The following KDR variants were observed in gnomAD, a reference collection of about 807,000 sequenced individuals.
KDR encodes the protein vascular endothelial growth factor receptor 2.
In KDR, 43 loss-of-function variants were observed where a neutral mutation model predicts 160.9. The observed-to-expected ratio is 0.27, with a 90% CI of 0.21 to 0.34. The LOEUF (loss-of-function observed/expected upper bound fraction) is 0.34. Ranked by LOEUF, KDR falls within the 10% of genes least tolerant of loss-of-function variation. The pLI is 1.00. For missense variants in KDR, 1,469 were observed against 1,666.4 expected (o/e 0.88, Z 2.06); for synonymous variants, 617 against 600.1 (o/e 1.03, Z -0.41).
rs1720438256 is a variant in KDR at position 55,106,007 on chromosome 4, CA to C, written c.1537-68del. ...GCTGTTTGTGCACAAGCACTCAGTC[CA>C]GCAGTCTCCACAATCACTCCAACCT... On this transcript the variant is annotated intron_variant, in intron 11 of 29. Coordinates refer to ENST00000263923, the MANE Select transcript of KDR (RefSeq NM_002253.4). The C allele has an allele frequency of 1.0e-5, 10 of 960,614 alleles. No individual in the cohort carries two copies. The Admixed American group carries it at 1.2e-4, about 11-fold the overall frequency. The allele number at this position is 960,614 out of a possible 1,614,324, so 59.5% of individuals were successfully genotyped here. A position where few individuals can be genotyped will look rare whatever the true frequency, so the allele number is the denominator to read the frequency against.
Position 55,125,320 on chromosome 4 carries a change from C to T in KDR, c.-27G>A. ...CTGCACCTCGAGCCGGGCGAAATGC[C>T]CAGAACTCGGGAGCCGGTTCTTTCT... On this transcript the variant is annotated 5_prime_UTR_variant, in exon 1 of 30. Coordinates refer to ENST00000263923, the MANE Select transcript of KDR (RefSeq NM_002253.4). The T allele has an allele frequency of 6.2e-7, 1 of 1,601,618 alleles. No individual in the cohort carries two copies. The highest frequency in any genetic ancestry group is 8.5e-7 in the Non-Finnish European group (1 of 1,174,844).
At chr4:55,110,303 G>A in intron 9 of KDR, 100 bp downstream of exon 9, 2 of 1,235,948 alleles carry the variant, frequency 1.6e-6, no homozygotes, top group Admixed American at 1.7e-5. Context: ...GCCATGATAT[G>A]AGTGAAGCAG....
chr4:55,104,790 C>T lies in KDR; in HGVS notation c.1840G>A (p.Ala614Thr). ...KNLDTLWKLN[A>T]TMFSNSTNDI... ...TTTGTGCTATTAGAGAACATGGTGG[C>T]ATTCAATTTCCAAAGAGTATCCAAG... Residue 614 changes from alanine (A) to threonine (T), a missense_variant, in exon 13 of 30, where the codon GCC becomes ACC. This residue lies in a region of KDR where 792 missense variants were observed against 840.9 expected (regional missense o/e 0.94). Coordinates refer to ENST00000263923, the MANE Select transcript of KDR (RefSeq NM_002253.4). 1 of 1,613,984 alleles carries T rather than the reference C, an allele frequency of 6.2e-7. No individual in the cohort carries two copies. The highest frequency in any genetic ancestry group is 8.5e-7 in the Non-Finnish European group (1 of 1,179,920).
intron 24 of KDR, 71 bp from the exon 25 acceptor site, chr4:55,089,544 T>G (rs1013271018): frequency 1.2e-5 from 16 of 1,388,424 alleles, no homozygotes; most frequent in African/African-American, 2.8e-5. Context: ...GCCTGAATCT[T>G]GCACATCCTC....
rs1377767860 is a variant in KDR, at chr4:55,098,249, T to G, written c.2397A>C (p.Thr799=). The G allele has an allele frequency of 1.9e-6, 3 of 1,613,914 alleles. No individual in the cohort carries two copies. Among genetic ancestry groups the G allele is most frequent in the Non-Finnish European group, 2.5e-6 (3 of 1,179,852 alleles). The change falls in exon 17 of 30, where the codon ACA becomes ACC. Residue 799 remains threonine, a synonymous_variant. Coordinates refer to ENST00000263923, the MANE Select transcript of KDR (RefSeq NM_002253.4). ...GATCCATGACGATGGACAAGTAGCC[T>G]GTCTTCAGTTCCCCTCCATTGGCCT... ...VKRANGGELK[T]GYLSIVMDPD...
chr4:55,105,330 A>G (rs559810256), intron 12 of KDR, among the ~76,000 whole-genome samples: 1 of 152,320 alleles, frequency 6.6e-6, no homozygotes, highest in South Asian at 2.1e-4. Flanking sequence ...ATGATATGAA[A>G]GCTACATTTA....
chr4:55,124,532 G>A (rs1445815619), intron 1 of KDR, among the ~76,000 whole-genome samples: 1 of 152,194 alleles, frequency 6.6e-6, no homozygotes, highest in Non-Finnish European at 1.5e-5. Context: ...TTTGAAAGAT[G>A]TGCAATGCTT....
At chr4:55,110,347 G>T in intron 9 of KDR, 56 bp downstream of exon 9, 1 of 1,567,772 alleles carries the variant, frequency 6.4e-7, no homozygotes, top group Non-Finnish European at 8.8e-7. Context: ...TGGCTGATTT[G>T]GAAGACAATG....
rs1005481914 is a variant in KDR, at chr4:55,079,923, G to A, written c.*18C>T. The A allele has an allele frequency of 6.2e-7, 1 of 1,600,168 alleles. No individual in the cohort carries two copies. The highest frequency in any genetic ancestry group is 1.1e-5 in the South Asian group (1 of 90,796). On this transcript the variant is annotated 3_prime_UTR_variant, in exon 30 of 30. Transcript: ENST00000263923. ...CTCTCATGTGATGTCCAGGAGTTGGGGGTGTGGATGCTTCCTTTTAAACAG... is the reference window on the plus strand; with the variant it reads ...CTCTCATGTGATGTCCAGGAGTTGGAGGTGTGGATGCTTCCTTTTAAACAG...
intron 3 of KDR, among the ~76,000 whole-genome samples, chr4:55,117,809 C>A (rs1208683503): frequency 6.6e-6 from 1 of 152,214 alleles, no homozygotes; most frequent in Admixed American, 6.5e-5. Context: ...GCAGCCCTTA[C>A]ATTCCTTAAA....
chr4:55,110,649 G>T lies in KDR; in HGVS notation c.1091+5C>A, dbSNP rs746305227. On this transcript the variant is annotated splice_donor_5th_base_variant and intron_variant, in intron 8 of 29. Coordinates refer to ENST00000263923, the MANE Select transcript of KDR (RefSeq NM_002253.4). ...TGATGCTTTGCATTTATTTCCAGTA[G>T]TTACCATTTTATTTCTGGGGGTGGG... is the stretch of plus-strand genomic sequence containing the variant. 1.2e-6 allele frequency: 2 copies of T among 1,612,600 alleles called. No individual in the cohort carries two copies. The highest frequency in any genetic ancestry group is 1.7e-6 in the Non-Finnish European group (2 of 1,178,858).
chr4:55,109,804 C>T (rs951396462), intron 9 of KDR, among the ~76,000 whole-genome samples: 5 of 152,138 alleles, frequency 3.3e-5, no homozygotes, highest in Admixed American at 3.3e-4. Flanking sequence ...CTTATTTGTA[C>T]CTTTCAGTTT....
At position 55,114,205 on chromosome 4, in the gene KDR, T is replaced by C. The variant is rs774917471; in HGVS notation, c.719A>G (p.Glu240Gly). ...PSHGIELSVG[E>G]KLVLNCTART... ...TGCTGTACAATTTAAGACAAGCTTTTCTCCAACAGATAGTTCAATTCCATG... is the reference window on the plus strand; with the variant it reads ...TGCTGTACAATTTAAGACAAGCTTTCCTCCAACAGATAGTTCAATTCCATG... The change falls in exon 6 of 30, where the codon GAA becomes GGA. Residue 240 changes from glutamate to glycine, a missense_variant. By Grantham distance (98) the Glu-to-Gly change is moderately conservative. Around this residue, in one of 7 missense-constraint regions of KDR, gnomAD observed 792 missense variants for 840.9 expected, o/e 0.94. Transcript: ENST00000263923. 3.7e-6 allele frequency: 6 copies of C among 1,613,856 alleles called. No homozygotes were observed. The highest frequency in any genetic ancestry group is 1.7e-5 in the Admixed American group (1 of 59,986).
chr4:55,089,009 C>T (rs992293763), intron 25 of KDR, 36 bp from the exon 26 acceptor site: 4 of 1,435,556 alleles, frequency 2.8e-6, no homozygotes, highest in Non-Finnish European at 3.9e-6. Flanking sequence ...TTAAATGCCT[C>T]TTTCTTCCTG....
At chr4:55,081,909 C>A in intron 29 of KDR, 47 bp downstream of exon 29, 1 of 1,375,776 alleles carries the variant, frequency 7.3e-7, no homozygotes, top group South Asian at 1.2e-5. Context: ...AAGTTCCTTC[C>A]AAAAATTCCT....
At position 55,095,621 on chromosome 4, in the gene KDR, A is replaced by T. The variant is rs2110016030; in HGVS notation, c.2773T>A (p.Ser925Thr). The change falls in exon 20 of 30, where the codon TCC (serine) becomes ACC (threonine). Residue 925 changes from serine to threonine, a missense_variant. By Grantham distance (58) the Ser-to-Thr change is moderately conservative. This residue lies in a region of KDR where 151 missense variants were observed against 207.2 expected (regional missense o/e 0.73). Coordinates refer to ENST00000263923, the MANE Select transcript of KDR (RefSeq NM_002253.4). ...TTTCTCTTGCTCCTCAGGTAAGTGGACAGGTTTCCAAATTTGCAGAATTCC... is the reference window on the plus strand; with the variant it reads ...TTTCTCTTGCTCCTCAGGTAAGTGGTCAGGTTTCCAAATTTGCAGAATTCC... ...IVEFCKFGNL[S>T]TYLRSKRNEF... is the part of the protein sequence containing the mutation. 1 of 1,613,786 alleles carries T rather than the reference A, an allele frequency of 6.2e-7. No individual in the cohort carries two copies. Among genetic ancestry groups the T allele is most frequent in the Non-Finnish European group, 8.5e-7 (1 of 1,179,742 alleles).
At chr4:55,091,511 T>C (rs1720018418) in intron 22 of KDR, among the ~76,000 whole-genome samples, 1 of 152,146 alleles carries the variant, frequency 6.6e-6, no homozygotes, top group South Asian at 2.1e-4. Context: ...TAATAAGTCA[T>C]AATCTCCAAG....
In KDR at chr4:55,097,713, C is replaced by T. The variant is rs758497778; in HGVS notation, c.2563G>A (p.Gly855Arg). The T allele has an allele frequency of 3.5e-5, 56 of 1,613,220 alleles. 2 individuals carry two copies. The South Asian group carries it at 6.0e-4, about 17-fold the overall frequency. ...CTGCAAGTTGCTGTCTTGTCAATTC[C>T]AAAGGCATCTGCTTCAATCACTTGG... ...FGQVIEADAF[G>R]IDKTATCRTV... Residue 855 changes from glycine to arginine, a missense_variant, in exon 18 of 30, where the codon GGA becomes AGA. Physicochemically the swap from Gly to Arg is moderately radical, Grantham distance 125. Transcript: ENST00000263923.
rs141577956 is a variant in KDR, at chr4:55,118,722, G to A, written c.240C>T (p.Ser80=). 4.6e-4 allele frequency: 738 copies of A among 1,613,994 alleles called. 12 individuals carry two copies. Among genetic ancestry groups the A allele is most frequent in the South Asian group, 4.0e-3 (363 of 91,066 alleles). ...SEQRVEVTEC[S]DGLFCKTLTI... ...TGAGTGTCTTACAGAAGAGGCCATCGCTGCACTCAGTCACCTCCACCCTTT... is the reference window on the plus strand; with the variant it reads ...TGAGTGTCTTACAGAAGAGGCCATCACTGCACTCAGTCACCTCCACCCTTT... Residue 80 remains serine (S), a synonymous_variant, in exon 3 of 30, where the codon AGC becomes AGT. Transcript: ENST00000263923.
Sources: allele counts gnomAD v4.1 joint callset (sites outside exome capture counted in the v4.1 genomes callset), GRCh38; gene constraint gnomAD v4.1.1; regional missense constraint gnomAD v4.1.1; transcripts MANE v1.5; gene names NCBI Gene and HGNC (gene_info 2026-07-23, HGNC 2026-07-21).